Variants in LAMC1 observed in about 807,000 individuals in gnomAD.
LAMC1 encodes laminin subunit gamma 1.
LAMC1 carries 38 observed loss-of-function variants against 173.6 expected under a neutral mutation model. The observed-to-expected ratio is 0.22, with a 90% CI of 0.17 to 0.29. The LOEUF is 0.29. Ranked by LOEUF, LAMC1 falls within the 10% of genes least tolerant of loss-of-function variation. LAMC1 has a pLI of 1.00. For synonymous variants in LAMC1, 746 were observed against 749.1 expected (o/e 1.00, Z 0.07); for missense variants, 1,824 against 2,051.8 (o/e 0.89, Z 2.14).
At position 183,131,426 on chromosome 1, in the gene LAMC1, G is replaced by GTGTGTGT. The variant is rs199773324; in HGVS notation, c.3566+48_3566+49insTGTGTGT. ...ATGGTTAAGTTGTGGCTTCTGTTAT[G>GTGTGTGT]GGGTGTGTGTGTGTGTGTGTGTGTG... On this transcript the variant is annotated intron_variant, in intron 20 of 27. Transcript: ENST00000258341. The GTGTGTGT allele has an allele frequency of 4.9e-5, 44 of 906,584 alleles. No individual in the cohort carries two copies. In the East Asian group the frequency reaches 7.0e-4, roughly 14 times the overall value. The allele number at this position is 906,584 out of a possible 1,614,324, so 56.2% of individuals were successfully genotyped here.
chr1:183,031,328 G>A (rs142955774), intron 1 of LAMC1, among the ~76,000 whole-genome samples: 181 of 151,914 alleles, frequency 1.2e-3, no homozygotes, highest in African/African-American at 4.1e-3. Flanking sequence ...TTTTGGAGAC[G>A]AGTTTCGCTC....
chr1:183,033,889 G>T (rs10911202), intron 1 of LAMC1, among the ~76,000 whole-genome samples: 15,824 of 151,892 alleles, frequency 0.1, 1,021 homozygotes, highest in Admixed American at 0.2. Flanking sequence ...AGTAGAGATC[G>T]GGTTTCACCA....
In LAMC1 at chr1:183,062,918, A is replaced by G. The variant is rs550046513; in HGVS notation, c.418+38784A>G. On this transcript the variant is annotated intron_variant, in intron 1 of 27. Transcript: ENST00000258341. The stretch of plus-strand genomic sequence containing the variant: ...CAGTGAGTCAGCATCACACCACTGC[A>G]CTCCAGCCTGGGCAGATAGAGCAAG... 1.9e-4 allele frequency among the ~76,000 whole-genome samples: 29 copies of G among 152,070 alleles called. No homozygotes were observed. The Middle Eastern group carries it at 0.01, about 54-fold the overall frequency.
intron 1 of LAMC1, among the ~76,000 whole-genome samples, chr1:183,066,550 C>G (rs896011879): frequency 6.6e-6 from 1 of 152,194 alleles, no homozygotes; most frequent in Non-Finnish European, 1.5e-5. Context: ...GACTTGGAAC[C>G]AACCCAAATG....
chr1:183,048,792 C>G (rs1654334325), intron 1 of LAMC1, among the ~76,000 whole-genome samples: 1 of 152,002 alleles, frequency 6.6e-6, no homozygotes, highest in African/African-American at 2.4e-5. Flanking sequence ...CTTTACAGCA[C>G]CTCATCCTCA....
At chr1:183,129,025 G>T (rs979684499) in intron 18 of LAMC1, among the ~76,000 whole-genome samples, 7 of 150,492 alleles carry the variant, frequency 4.7e-5, no homozygotes, top group Non-Finnish European at 7.4e-5. Context: ...CTATTACAAG[G>T]TGTCTTAAAA....
chr1:183,073,899 C>G (rs1655067493), intron 1 of LAMC1, among the ~76,000 whole-genome samples: 1 of 151,998 alleles, frequency 6.6e-6, no homozygotes, highest in Non-Finnish European at 1.5e-5. Context: ...GATCAGGCCA[C>G]TGGAAACAAC....
chr1:183,087,485 G>GA (rs1395856454), intron 1 of LAMC1, among the ~76,000 whole-genome samples: 3 of 152,112 alleles, frequency 2.0e-5, no homozygotes, highest in Non-Finnish European at 4.4e-5. Flanking sequence ...ATAATACCAT[G>GA]AAAAAAGTGT....
At chr1:183,115,285 G>A (rs529016659) in intron 5 of LAMC1, among the ~76,000 whole-genome samples, 1 of 152,254 alleles carries the variant, frequency 6.6e-6, no homozygotes, top group Admixed American at 6.5e-5. Flanking sequence ...CAACATTGAT[G>A]AGTAAATTCA....
At chr1:183,077,124 A>C (rs1430207495) in intron 1 of LAMC1, among the ~76,000 whole-genome samples, 1 of 152,182 alleles carries the variant, frequency 6.6e-6, no homozygotes, top group Non-Finnish European at 1.5e-5. Flanking sequence ...AGAAGAAAGG[A>C]CCTAAAAGGA....
chr1:183,132,687 A>G (rs1293965403), intron 21 of LAMC1, 150 bp downstream of exon 21: 7 of 633,700 alleles, frequency 1.1e-5, no homozygotes, highest in South Asian at 2.4e-5. Context: ...TGGAAAAGTA[A>G]GTAGAGAAGG....
chr1:183,114,013 A>C (rs1257823244), intron 4 of LAMC1, among the ~76,000 whole-genome samples: 1 of 152,138 alleles, frequency 6.6e-6, no homozygotes, highest in Non-Finnish European at 1.5e-5. Flanking sequence ...TTTCTTTATC[A>C]TCTGGCTGTA....
intron 1 of LAMC1, among the ~76,000 whole-genome samples, chr1:183,053,419 GTTTTT>G (rs1553253646): frequency 6.8e-6 from 1 of 146,902 alleles, no homozygotes; most frequent in Non-Finnish European, 1.5e-5. Flanking sequence ...TTTTGTGTGT[GTTTTT>G]TTTTTTCATT....
At chr1:183,139,123 G>A (rs1571468644) in intron 26 of LAMC1, among the ~76,000 whole-genome samples, 1 of 152,150 alleles carries the variant, frequency 6.6e-6, no homozygotes, top group East Asian at 1.9e-4. Context: ...TAATATGATT[G>A]TAGAAACATT....
At chr1:183,111,498 G>T (rs1201622277) in intron 4 of LAMC1, among the ~76,000 whole-genome samples, 1 of 151,786 alleles carries the variant, frequency 6.6e-6, no homozygotes, top group Non-Finnish European at 1.5e-5. Context: ...AAGAAGAATA[G>T]GTCCTAGTAT....
intron 1 of LAMC1, among the ~76,000 whole-genome samples, chr1:183,053,709 T>G (rs1654499874): frequency 6.6e-6 from 1 of 152,086 alleles, no homozygotes; most frequent in South Asian, 2.1e-4. Flanking sequence ...CACTGCAACC[T>G]CCATCTCCTG....
In LAMC1 at chr1:183,135,116, T is replaced by A; in HGVS notation, c.4074T>A (p.Asp1358Glu). 6.2e-7 allele frequency: 1 copy of A among 1,613,994 alleles called. No homozygotes were observed. Among genetic ancestry groups the A allele is most frequent in the Non-Finnish European group, 8.5e-7 (1 of 1,179,874 alleles). The change falls in exon 24 of 28, where the codon GAT (aspartate) becomes GAA (glutamate). Residue 1358 changes from aspartate (D) to glutamate (E), a missense_variant. Transcript: ENST00000258341. ...LAEEAAKKGR[D>E]TLQEANDILN... ...AAGAAGCTGCAAAGAAGGGACGGGA[T>A]ACCTTACAAGAAGCTAATGACATTC...
intron 1 of LAMC1, among the ~76,000 whole-genome samples, chr1:183,046,522 GC>G (rs1343760636): frequency 6.6e-6 from 1 of 151,768 alleles, no homozygotes; most frequent in Non-Finnish European, 1.5e-5. Context: ...CTCCTCATGA[GC>G]CTTGCTCTTT....
intron 1 of LAMC1, among the ~76,000 whole-genome samples, chr1:183,027,318 C>T (rs954808802): frequency 6.6e-6 from 1 of 152,084 alleles, no homozygotes; most frequent in Non-Finnish European, 1.5e-5. Flanking sequence ...TTTTGTTTCA[C>T]CTTCAACTTC....
Sources: gnomAD v4.1 joint callset for allele counts (sites outside exome capture counted in the v4.1 genomes callset) on GRCh38, gnomAD v4.1.1 for gene constraint, MANE v1.5 for transcripts, NCBI Gene and HGNC (gene_info 2026-07-23, HGNC 2026-07-21) for gene names.